Variants in MTA3 observed in about 807,000 individuals in gnomAD.
MTA3 encodes the protein metastasis-associated protein MTA3.
A neutral mutation model predicts 83.5 loss-of-function variants in MTA3; 34 were observed. The ratio of observed to expected loss-of-function variants is 0.41; its 90% CI spans 0.31 to 0.54. The LOEUF (loss-of-function observed/expected upper bound fraction) is 0.54. Ranked by LOEUF, MTA3 falls within the 20% of genes least tolerant of loss-of-function variation. The pLI, the probability that MTA3 is intolerant of heterozygous loss-of-function variation, is 0.33. For synonymous variants in MTA3, 303 were observed against 252.7 expected, an observed-to-expected ratio of 1.20 and a Z score of -1.89; for missense variants, 761 against 726.4, an observed-to-expected ratio of 1.05 and a Z score of -0.55.
chr2:42,502,162 G>T (rs1002895153), intron 2 of MTA3, among the ~76,000 whole-genome samples: 13 of 152,000 alleles, frequency 8.6e-5, no homozygotes, highest in African/African-American at 2.4e-4. Flanking sequence ...GTTGGGGGTG[G>T]CCAACAGGTC....
intron 4 of MTA3, among the ~76,000 whole-genome samples, chr2:42,616,342 C>T (rs973187544): frequency 4.0e-5 from 6 of 151,610 alleles, no homozygotes; most frequent in South Asian, 2.1e-4. Flanking sequence ...GGATTACAGG[C>T]GTGAGCCATT....
intron 11 of MTA3, 149 bp from the exon 12 acceptor site, chr2:42,704,045 A>T: frequency 1.2e-6 from 1 of 863,436 alleles, no homozygotes; most frequent in Non-Finnish European, 1.7e-6. Flanking sequence ...TTCATTTAAC[A>T]CCTTGGTTTT....
At chr2:42,696,469 C>G (rs964131244) in intron 10 of MTA3, among the ~76,000 whole-genome samples, 1 of 152,132 alleles carries the variant, frequency 6.6e-6, no homozygotes, top group Non-Finnish European at 1.5e-5. Context: ...TCGGTCAATA[C>G]TTGTGTTATG....
At chr2:42,606,420 C>G (rs1450800809) in intron 3 of MTA3, among the ~76,000 whole-genome samples, 1 of 148,980 alleles carries the variant, frequency 6.7e-6, no homozygotes, top group Non-Finnish European at 1.5e-5. Context: ...ACCTCCCAGA[C>G]GGGGCGGCGG....
intron 14 of MTA3, chr2:42,712,628 C>T (rs1010675343): frequency 6.6e-6 from 1 of 152,134 alleles, no homozygotes. Flanking sequence ...GTAGACAGTA[C>T]TTATTAAAAA....
intron 6 of MTA3, among the ~76,000 whole-genome samples, chr2:42,645,958 CAA>C (rs879614854): frequency 1.3e-5 from 2 of 152,288 alleles, no homozygotes; most frequent in African/African-American, 4.8e-5. Context: ...CTAGAAGCTT[CAA>C]AGGACAGCCT....
At chr2:42,665,837 T>A (rs1361909880) in intron 8 of MTA3, among the ~76,000 whole-genome samples, 2 of 152,214 alleles carry the variant, frequency 1.3e-5, no homozygotes, top group African/African-American at 4.8e-5. Context: ...AGGACTGACA[T>A]TTAATTGGTG....
chr2:42,607,202 G>T (rs1299549669), intron 3 of MTA3, among the ~76,000 whole-genome samples: 1 of 152,132 alleles, frequency 6.6e-6, no homozygotes, highest in East Asian at 1.9e-4. Flanking sequence ...AAAGATAAGT[G>T]ACCTGTCATT....
At chr2:42,725,381 G>A (rs1183134312) in intron 16 of MTA3, among the ~76,000 whole-genome samples, 1 of 152,178 alleles carries the variant, frequency 6.6e-6, no homozygotes, top group African/African-American at 2.4e-5. Context: ...TTTAACCACT[G>A]TTATGAATGA....
chr2:42,677,751 G>A (rs940219172), intron 8 of MTA3, among the ~76,000 whole-genome samples: 3 of 152,030 alleles, frequency 2.0e-5, no homozygotes, highest in Non-Finnish European at 2.9e-5. Flanking sequence ...ATGATTATGA[G>A]GCCTCCCCAG....
At position 42,609,442 on chromosome 2, in the gene MTA3, A is replaced by T. The variant is rs766058471; in HGVS notation, c.191-16A>T. The T allele has an allele frequency of 3.7e-6, 6 of 1,611,962 alleles. No individual in the cohort carries two copies. The highest frequency in any genetic ancestry group is 3.4e-6 in the Non-Finnish European group (4 of 1,178,674). ...GTGCTTTGTACTAATAAATTCTTTG[A>T]ATTTTATTTGTGTAGAAGAAATTGA... On this transcript the variant is annotated splice_polypyrimidine_tract_variant and intron_variant, in intron 3 of 16. Coordinates refer to ENST00000405094, the MANE Select transcript of MTA3 (RefSeq NM_001330442.2).
chr2:42,522,095 T>G (rs1675455958), intron 2 of MTA3, among the ~76,000 whole-genome samples: 1 of 152,110 alleles, frequency 6.6e-6, no homozygotes, highest in African/African-American at 2.4e-5. Context: ...GCTGTACAAG[T>G]CCAAGTCCAA....
chr2:42,607,377 C>CTTTA lies in MTA3; in HGVS notation c.191-2065_191-2062dup, dbSNP rs533369364. On this transcript the variant is annotated intron_variant, in intron 3 of 16. Transcript: ENST00000405094. ...ACTCTGGCTCAGAGGCATTGTTCAA[C>CTTTA]TTTATTTATTTATTTATTTCGACAT... Among the ~76,000 whole-genome samples, 70 of 152,134 alleles carry CTTTA rather than the reference C, an allele frequency of 4.6e-4. No individual in the cohort carries two copies. In the East Asian group the frequency reaches 0.013, roughly 28 times the overall value.
At chr2:42,708,101 G>C (rs1666256072) in intron 13 of MTA3, 47 bp downstream of exon 13, 1 of 1,552,014 alleles carries the variant, frequency 6.4e-7, no homozygotes, top group Non-Finnish European at 8.7e-7. Flanking sequence ...TTTTAAATGG[G>C]TTGATTATTC....
intron 15 of MTA3, 69 bp from the exon 16 acceptor site, chr2:42,722,820 A>T: frequency 6.6e-7 from 1 of 1,505,620 alleles, no homozygotes; most frequent in Non-Finnish European, 9.0e-7. Flanking sequence ...TGTGCCTATT[A>T]GCCAATGTAA....
intron 4 of MTA3, among the ~76,000 whole-genome samples, chr2:42,638,145 G>A (rs1405611655): frequency 1.3e-5 from 2 of 151,926 alleles, no homozygotes. Flanking sequence ...TTAAAAAGGG[G>A]GATTTTTTTT....
At chr2:42,576,845 T>C (rs901260548) in intron 2 of MTA3, among the ~76,000 whole-genome samples, 1 of 151,778 alleles carries the variant, frequency 6.6e-6, no homozygotes, top group African/African-American at 2.4e-5. Context: ...TGCAGTGAGC[T>C]GAGATCGTGC....
intron 5 of MTA3, among the ~76,000 whole-genome samples, chr2:42,642,513 A>T (rs1687783047): frequency 6.6e-6 from 1 of 151,930 alleles, no homozygotes; most frequent in African/African-American, 2.4e-5. Flanking sequence ...GAAAAACAAA[A>T]TCTGATGTTG....
At chr2:42,539,986 G>C (rs1489568633) in intron 2 of MTA3, among the ~76,000 whole-genome samples, 2 of 151,950 alleles carry the variant, frequency 1.3e-5, no homozygotes, top group Non-Finnish European at 2.9e-5. Flanking sequence ...TGCTCAGCTA[G>C]AAACTCCTCT....
Sources: allele counts gnomAD v4.1 joint callset (sites outside exome capture counted in the v4.1 genomes callset), GRCh38; gene constraint gnomAD v4.1.1; transcripts MANE v1.5; gene names NCBI Gene and HGNC (gene_info 2026-07-23, HGNC 2026-07-21).